CASP9: variants seen among roughly 807,000 people sequenced by gnomAD.
CASP9 encodes the protein caspase 9.
Under a neutral mutation model 43.5 loss-of-function variants are expected in CASP9, and 29 were observed. That is an observed-to-expected ratio of 0.67 (90% CI 0.50 to 0.91). The LOEUF (loss-of-function observed/expected upper bound fraction) is 0.91, where lower values mean the gene tolerates loss of function less well. Among genes scored for constraint, CASP9 ranks in the 40% least tolerant of loss-of-function variants. CASP9 has a pLI of 0.00. For synonymous variants in CASP9, 206 were observed against 211.9 expected, an observed-to-expected ratio of 0.97 and a Z score of 0.24; for missense variants, 575 against 537.4, an observed-to-expected ratio of 1.07 and a Z score of -0.69.
chr1:15,504,572 C>A, intron 6 of CASP9, 39 bp downstream of exon 6: 1 of 1,586,690 alleles, frequency 6.3e-7, no homozygotes, highest in Non-Finnish European at 8.6e-7. Context: ...GCTCCCTCCC[C>A]ACCAGACCCA....
Position 15,493,865 on chromosome 1 carries a change from T to C in CASP9, c.1158+27A>G, listed in dbSNP as rs373462361. On this transcript the variant is annotated intron_variant, in intron 8 of 8. Transcript: ENST00000333868. ...CGCTGCCCCTCAGCAGCCTCCCCTCTCCTTTGCAGAGGAAGGCAGCACTCA... is the reference window on the plus strand; with the variant it reads ...CGCTGCCCCTCAGCAGCCTCCCCTCCCCTTTGCAGAGGAAGGCAGCACTCA... 3.4e-5 allele frequency: 53 copies of C among 1,566,312 alleles called. No homozygotes were observed. In the African/African-American group the frequency reaches 6.4e-4, roughly 19 times the overall value.
chr1:15,492,262 A>G lies in CASP9; in HGVS notation c.*681T>C, dbSNP rs1047067377. 2 of 152,262 alleles carry G rather than the reference A, an allele frequency of 1.3e-5. No homozygotes were observed. The highest frequency in any genetic ancestry group is 2.9e-5 in the Non-Finnish European group (2 of 68,040). The allele number at this position is 152,262 out of a possible 1,614,324, so 9.4% of individuals were successfully genotyped here. A position where few individuals can be genotyped will look rare whatever the true frequency, so the allele number is the denominator to read the frequency against. Reference sequence around the variant, plus strand: ...GTTGGAGCAAAATGAGGGAAGAAATAGGCAAAAGAGAGTCCATATTTGCCT... The same window carrying G: ...GTTGGAGCAAAATGAGGGAAGAAATGGGCAAAAGAGAGTCCATATTTGCCT... On this transcript the variant is annotated 3_prime_UTR_variant, in exon 9 of 9. Coordinates refer to ENST00000333868, the MANE Select transcript of CASP9 (RefSeq NM_001229.5).
At chr1:15,523,802 C>T (rs888810658) in intron 1 of CASP9, among the ~76,000 whole-genome samples, 1 of 152,358 alleles carries the variant, frequency 6.6e-6, no homozygotes, top group East Asian at 1.9e-4. Flanking sequence ...CTGATGTTCT[C>T]CAATTCATGA....
chr1:15,503,300 A>G (rs1709398086), intron 6 of CASP9, among the ~76,000 whole-genome samples: 1 of 151,974 alleles, frequency 6.6e-6, no homozygotes, highest in Admixed American at 6.6e-5. Context: ...CTGAGGTGGG[A>G]GGATCACCTG....
intron 6 of CASP9, among the ~76,000 whole-genome samples, chr1:15,497,325 A>AG: frequency 7.4e-6 from 1 of 135,942 alleles, no homozygotes; most frequent in East Asian, 2.2e-4. Flanking sequence ...AAAAAAAAAA[A>AG]AAGAAAGAAA....
intron 6 of CASP9, among the ~76,000 whole-genome samples, chr1:15,497,999 G>A (rs1046709233): frequency 6.6e-6 from 1 of 152,232 alleles, no homozygotes; most frequent in African/African-American, 2.4e-5. Flanking sequence ...CACATGCGTG[G>A]TCAAATGAAT....
intron 2 of CASP9, among the ~76,000 whole-genome samples, chr1:15,512,793 A>T (rs144440785): frequency 4.8e-4 from 73 of 152,340 alleles, no homozygotes; most frequent in African/African-American, 1.7e-3. Flanking sequence ...CCACTGTGAC[A>T]CAGCTGCTAA....
chr1:15,524,185 G>T lies in CASP9; in HGVS notation c.16C>A (p.Arg6=), dbSNP rs1007329678. 2 of 1,546,402 alleles carry T rather than the reference G, an allele frequency of 1.3e-6. No individual in the cohort carries two copies. Among genetic ancestry groups the T allele is most frequent in the Non-Finnish European group, 1.7e-6 (2 of 1,150,738 alleles). The change falls in exon 1 of 9, where the codon CGG becomes AGG. Residue 6 remains arginine, a synonymous_variant. Transcript: ENST00000333868. MDEAD[R]RLLRRCRLRL... ...AGCCGGCACCGCCGCAGGAGCCGCC[G>T]ATCCGCTTCGTCCATGGCGAGTAGC...
At chr1:15,493,514 A>AG (rs1439204079) in intron 8 of CASP9, 2 of 1,347,460 alleles carry the variant, frequency 1.5e-6, no homozygotes, top group Non-Finnish European at 1.9e-6. Context: ...ACAATTCTTG[A>AG]GGGTCAAGAG....
chr1:15,494,021 G>C lies in CASP9; in HGVS notation c.1049-20C>G. On this transcript the variant is annotated intron_variant, in intron 7 of 8. Coordinates refer to ENST00000333868, the MANE Select transcript of CASP9 (RefSeq NM_001229.5). ...CAAAACCTTTGGAGGGAGGAGGGCTGAACACTGCTGGAGAGCCACCCCTCC... is the reference window on the plus strand; with the variant it reads ...CAAAACCTTTGGAGGGAGGAGGGCTCAACACTGCTGGAGAGCCACCCCTCC... 6.4e-7 allele frequency: 1 copy of C among 1,559,740 alleles called. No homozygotes were observed. The highest frequency in any genetic ancestry group is 1.2e-5 in the South Asian group (1 of 85,554).
rs538983444 is a variant in CASP9, at chr1:15,497,938, T to C, written c.869-2486A>G. Among the ~76,000 whole-genome samples, 3 of 152,322 alleles carry C rather than the reference T, an allele frequency of 2.0e-5. No individual in the cohort carries two copies. The East Asian group carries it at 5.8e-4, about 29-fold the overall frequency. ...TAATCAAAACAGTATGGTACTGGCA[T>C]AAAGACAGACATAGGTCAATGTCAT... On this transcript the variant is annotated intron_variant, in intron 6 of 8. Coordinates refer to ENST00000333868, the MANE Select transcript of CASP9 (RefSeq NM_001229.5).
At chr1:15,502,209 T>A (rs4646068) in intron 6 of CASP9, among the ~76,000 whole-genome samples, 2 of 151,744 alleles carry the variant, frequency 1.3e-5, no homozygotes, top group Non-Finnish European at 2.9e-5. Context: ...GACAGTGCTA[T>A]GGTAGGGGAG....
intron 5 of CASP9, 112 bp downstream of exon 5, chr1:15,505,878 T>C: frequency 1.1e-6 from 1 of 886,522 alleles, no homozygotes. Flanking sequence ...CCACAGCCCT[T>C]TTCCACAAAG....
At position 15,504,712 on chromosome 1, in the gene CASP9, C is replaced by A. The variant is rs1463190807; in HGVS notation, c.767G>T (p.Cys256Phe). ...FPGAVYGTDG[C>F]PVSVEKIVNI... The stretch of plus-strand genomic sequence containing the variant: ...CACAATCTTCTCGACCGACACAGGG[C>A]ATCCATCTGTGCCGTAGACAGCCCC... The change falls in exon 6 of 9, where the codon TGC (cysteine) becomes TTC (phenylalanine). Residue 256 changes from cysteine (C) to phenylalanine (F), a missense_variant. Physicochemically the swap from Cys to Phe is radical, Grantham distance 205. Transcript: ENST00000333868. The A allele has an allele frequency of 1.9e-6, 3 of 1,614,164 alleles. No homozygotes were observed. The Admixed American group carries it at 5.0e-5, about 27-fold the overall frequency.
chr1:15,504,883 G>A, intron 5 of CASP9, 125 bp from the exon 6 acceptor site: 1 of 888,908 alleles, frequency 1.1e-6, no homozygotes, highest in Non-Finnish European at 1.7e-6. Context: ...GGCTGATTGA[G>A]ACAGAGCAGG....
chr1:15,518,395 G>A lies in CASP9; in HGVS notation c.133C>T (p.Arg45Trp), dbSNP rs577882729. The A allele has an allele frequency of 9.3e-6, 15 of 1,607,696 alleles. No homozygotes were observed. Among genetic ancestry groups the A allele is most frequent in the Middle Eastern group, 1.7e-4 (1 of 6,042 alleles). The change falls in exon 2 of 9, where the codon CGG (arginine) becomes TGG (tryptophan). Residue 45 changes from arginine (R) to tryptophan (W), a missense_variant and splice_region_variant. By Grantham distance (101) the Arg-to-Trp change is moderately radical. Coordinates refer to ENST00000333868, the MANE Select transcript of CASP9 (RefSeq NM_001229.5). ...FRPHMIEDIQ[R>W]AGSGSRRDQA... ...TCCCGCCGAGATCCAGAGCCTGCCC[G>A]CTGTTTGGAAAGAAAGGCAGGATAC...
At chr1:15,517,203 T>A (rs989983764) in intron 2 of CASP9, among the ~76,000 whole-genome samples, 1 of 152,164 alleles carries the variant, frequency 6.6e-6, no homozygotes, top group African/African-American at 2.4e-5. Context: ...GGAAAATGGT[T>A]AAATAAACTG....
Position 15,518,152 on chromosome 1 carries a change from G to A in CASP9, c.376C>T (p.Pro126Ser). Residue 126 changes from proline to serine, a missense_variant, in exon 2 of 9, where the codon CCC (proline) becomes TCC (serine). Transcript: ENST00000333868. The part of the protein sequence containing the change: ...RKPEVLRPET[P>S]RPVDIGSGGF... ...CCAGAACCAATGTCCACTGGTCTGG[G>A]TGTTTCCGGTCTGAGAACCTCTGGT... 2.5e-6 allele frequency: 4 copies of A among 1,614,198 alleles called. No homozygotes were observed. The Admixed American group carries it at 6.7e-5, about 27-fold the overall frequency.
chr1:15,521,959 C>G (rs1710220683), intron 1 of CASP9, among the ~76,000 whole-genome samples: 1 of 152,156 alleles, frequency 6.6e-6, no homozygotes, highest in Admixed American at 6.5e-5. Flanking sequence ...ACAGCACAGA[C>G]CTACAGTGCC....
Sources: gnomAD v4.1 joint callset for allele counts (sites outside exome capture counted in the v4.1 genomes callset) on GRCh38, gnomAD v4.1.1 for gene constraint, MANE v1.5 for transcripts, NCBI Gene and HGNC (gene_info 2026-07-23, HGNC 2026-07-21) for gene names.